The following SLC35B4 variants were observed in gnomAD, a reference collection of about 807,000 sequenced individuals.
SLC35B4 encodes nucleotide sugar transporter SLC35B4.
In SLC35B4, 28 loss-of-function variants were observed where a neutral mutation model predicts 39.5. The observed-to-expected ratio is 0.71, with a 90% CI of 0.53 to 0.97. SLC35B4 has a LOEUF of 0.97. SLC35B4 is among the 50% of genes least tolerant of loss of function. The pLI is 0.00. For synonymous variants in SLC35B4, 145 were observed against 150.4 expected, an observed-to-expected ratio of 0.96 and a Z score of 0.26; for missense variants, 334 against 414.3, an observed-to-expected ratio of 0.81 and a Z score of 1.68.
intron 1 of SLC35B4, among the ~76,000 whole-genome samples, chr7:134,313,863 A>C (rs1038058730): frequency 6.6e-6 from 1 of 152,226 alleles, no homozygotes; most frequent in African/African-American, 2.4e-5. Context: ...AAGAACCTTA[A>C]GGCCATCTGG....
upstream of SLC35B4, chr7:134,317,024 A>G (rs556816570): frequency 4.1e-4 from 183 of 444,674 alleles, 1 homozygote; most frequent in African/African-American, 3.5e-3. Context: ...GTGCACCTTT[A>G]CCTCAGGATG....
chr7:134,314,047 GTGA>G (rs67143741), intron 1 of SLC35B4, among the ~76,000 whole-genome samples: 69,466 of 151,726 alleles, frequency 0.46, 16,124 homozygotes, highest in Admixed American at 0.54. Flanking sequence ...AAAAAGATAA[GTGA>G]TGATTTATTT....
At chr7:134,308,862 C>G (rs1436069901) in intron 2 of SLC35B4, among the ~76,000 whole-genome samples, 1 of 152,204 alleles carries the variant, frequency 6.6e-6, no homozygotes, top group Non-Finnish European at 1.5e-5. Context: ...TTTGACTTTG[C>G]TTGCCATTCA....
intron 8 of SLC35B4, among the ~76,000 whole-genome samples, chr7:134,296,869 C>T (rs565443095): frequency 6.6e-6 from 1 of 152,198 alleles, no homozygotes; most frequent in African/African-American, 2.4e-5. Context: ...TTACAGAATT[C>T]CAAAGTAAAT....
At chr7:134,295,951 T>C (rs1803456224) in intron 9 of SLC35B4, among the ~76,000 whole-genome samples, 1 of 152,200 alleles carries the variant, frequency 6.6e-6, no homozygotes, top group Non-Finnish European at 1.5e-5. Context: ...TGCCTCAGCC[T>C]ATGGAGTAGC....
At position 134,294,937 on chromosome 7, in the gene SLC35B4, G is replaced by A. The variant is rs750676303; in HGVS notation, c.892C>T (p.Leu298=). The A allele has an allele frequency of 2.5e-6, 4 of 1,614,166 alleles. No individual in the cohort carries two copies. Among genetic ancestry groups the A allele is most frequent in the Middle Eastern group, 1.6e-4 (1 of 6,062 alleles). The part of the protein sequence containing the change: ...FQNPFTLWHW[L]GTLFVFIGTL... ...CCAATGAAGACAAACAAGGTGCCCA[G>A]CCAGTGCCACAGGGTGAAGGGGTTC... The change falls in exon 10 of 10, where the codon CTG becomes TTG. Residue 298 remains leucine (L), a synonymous_variant. Transcript: ENST00000378509.
intron 1 of SLC35B4, among the ~76,000 whole-genome samples, chr7:134,313,129 TATTTA>T (rs2117320528): frequency 6.6e-6 from 1 of 152,356 alleles, no homozygotes; most frequent in African/African-American, 2.4e-5. Context: ...CCAATGGAAT[TATTTA>T]TTTTAACTTG....
At position 134,302,013 on chromosome 7, in the gene SLC35B4, T is replaced by C; in HGVS notation, c.426+16A>G. 1.2e-6 allele frequency: 2 copies of C among 1,611,660 alleles called. No individual in the cohort carries two copies. The highest frequency in any genetic ancestry group is 1.7e-6 in the Non-Finnish European group (2 of 1,179,074). On this transcript the variant is annotated intron_variant, in intron 5 of 9. Transcript: ENST00000378509. ...ATAGCAAGTAGTGAACATAAAATAA[T>C]TTGTGAGCTTCTTACCACCTGCTTT...
At chr7:134,313,284 T>G (rs1472868834) in intron 1 of SLC35B4, among the ~76,000 whole-genome samples, 2 of 152,360 alleles carry the variant, frequency 1.3e-5, no homozygotes, top group African/African-American at 4.8e-5. Flanking sequence ...ATTCCAATTT[T>G]TATTTAAAAA....
intron 1 of SLC35B4, among the ~76,000 whole-genome samples, chr7:134,314,595 G>A (rs1585648265): frequency 6.6e-6 from 1 of 152,236 alleles, no homozygotes; most frequent in South Asian, 2.1e-4. Flanking sequence ...GAGTGCAATG[G>A]TGCTATCTCG....
At chr7:134,315,820 A>T (rs1803959526) in intron 1 of SLC35B4, among the ~76,000 whole-genome samples, 1 of 152,328 alleles carries the variant, frequency 6.6e-6, no homozygotes, top group South Asian at 2.1e-4. Context: ...AGGGCTACAC[A>T]GCCAGTGGAC....
chr7:134,293,147 T>TACACACACACACACACACACAC lies in SLC35B4; in HGVS notation c.*1685_*1686insGTGTGTGTGTGTGTGTGTGTGT, dbSNP rs57402927. 83 of 150,628 alleles carry TACACACACACACACACACACAC rather than the reference T, an allele frequency of 5.5e-4. No individual in the cohort carries two copies. The highest frequency in any genetic ancestry group is 1.8e-3 in the African/African-American group (73 of 41,052). The allele number at this position is 150,628 out of a possible 1,614,324, so 9.3% of individuals were successfully genotyped here. A position where few individuals can be genotyped will look rare whatever the true frequency, so the allele number is the denominator to read the frequency against. Reference sequence around the variant, plus strand: ...TGTGCACCACACACACACACATACATACACACACACACACACAGTCTTTGT... The same window carrying TACACACACACACACACACACAC: ...TGTGCACCACACACACACACATACATACACACACACACACACACACACACACACACACACACACAGTCTTTGT... On this transcript the variant is annotated 3_prime_UTR_variant, in exon 10 of 10. Coordinates refer to ENST00000378509, the MANE Select transcript of SLC35B4 (RefSeq NM_032826.5).
At chr7:134,315,936 C>T (rs1803961421) in intron 1 of SLC35B4, among the ~76,000 whole-genome samples, 1 of 151,564 alleles carries the variant, frequency 6.6e-6, no homozygotes, top group East Asian at 1.9e-4. Flanking sequence ...GAACTTTGCA[C>T]ATTCAAAGTG....
At position 134,290,681 on chromosome 7, in the gene SLC35B4, A is replaced by G. The variant is rs543976278; in HGVS notation, c.*4152T>C. On this transcript the variant is annotated 3_prime_UTR_variant, in exon 10 of 10. Transcript: ENST00000378509. ...ACATTTTCAAATGTCACACCAATCAATAATAATAAGGAATGGATTTTATCT... is the reference window on the plus strand; with the variant it reads ...ACATTTTCAAATGTCACACCAATCAGTAATAATAAGGAATGGATTTTATCT... The G allele has an allele frequency of 1.9e-4, 29 of 152,354 alleles. No individual in the cohort carries two copies. The highest frequency in any genetic ancestry group is 5.5e-4 in the African/African-American group (23 of 41,584). 9.4% of individuals were successfully genotyped at this position (152,354 alleles called of 1,614,324 possible). A position where few individuals can be genotyped will look rare whatever the true frequency, so the allele number is the denominator to read the frequency against.
rs539551525 is a variant in SLC35B4, at chr7:134,294,767, C to T, written c.*66G>A. The T allele has an allele frequency of 4.9e-5, 78 of 1,579,486 alleles. No homozygotes were observed. The highest frequency in any genetic ancestry group is 4.3e-4 in the East Asian group (19 of 44,326). ...TAGCTCGGCATTAACAAAAGCGAAA[C>T]GGTGGTCAGACCTTCACAGGGTCCC... On this transcript the variant is annotated 3_prime_UTR_variant, in exon 10 of 10. Coordinates refer to ENST00000378509, the MANE Select transcript of SLC35B4 (RefSeq NM_032826.5).
rs377600025 is a variant in SLC35B4, at chr7:134,294,911, C to T, written c.918G>A (p.Gly306=). The T allele has an allele frequency of 1.2e-5, 20 of 1,613,986 alleles. No individual in the cohort carries two copies. Among genetic ancestry groups the T allele is most frequent in the Non-Finnish European group, 1.7e-5 (20 of 1,180,038 alleles). ...HWLGTLFVFI[G]TLMYTEVWNN... is the part of the protein sequence containing the mutation. Reference sequence around the variant, plus strand: ...TCCACACCTCTGTGTACATTAAGGTCCCAATGAAGACAAACAAGGTGCCCA... The same window carrying T: ...TCCACACCTCTGTGTACATTAAGGTTCCAATGAAGACAAACAAGGTGCCCA... The change falls in exon 10 of 10, where the codon GGG becomes GGA. Residue 306 remains glycine (G), a synonymous_variant. Coordinates refer to ENST00000378509, the MANE Select transcript of SLC35B4 (RefSeq NM_032826.5).
At chr7:134,303,350 C>T (rs2117296568) in intron 4 of SLC35B4, among the ~76,000 whole-genome samples, 1 of 152,218 alleles carries the variant, frequency 6.6e-6, no homozygotes, top group East Asian at 1.9e-4. Flanking sequence ...CTTTTGTATC[C>T]TTGTCATGAG....
chr7:134,293,593 C>A lies in SLC35B4; in HGVS notation c.*1240G>T, dbSNP rs112420739. 1 of 152,118 alleles carries A rather than the reference C, an allele frequency of 6.6e-6. No homozygotes were observed. Among genetic ancestry groups the A allele is most frequent in the African/African-American group, 2.4e-5 (1 of 41,424 alleles). The allele number at this position is 152,118 out of a possible 1,614,324, so 9.4% of individuals were successfully genotyped here. A position where few individuals can be genotyped will look rare whatever the true frequency, so the allele number is the denominator to read the frequency against. Reference sequence around the variant, plus strand: ...TCCCTTGATGGGTCGTGACTCTTAACAGAGTCATCGGGCAGAGGGGAATCT... The same window carrying A: ...TCCCTTGATGGGTCGTGACTCTTAAAAGAGTCATCGGGCAGAGGGGAATCT... On this transcript the variant is annotated 3_prime_UTR_variant, in exon 10 of 10. Coordinates refer to ENST00000378509, the MANE Select transcript of SLC35B4 (RefSeq NM_032826.5).
At chr7:134,300,507 T>G (rs1041040299) in intron 6 of SLC35B4, among the ~76,000 whole-genome samples, 1 of 152,200 alleles carries the variant, frequency 6.6e-6, no homozygotes, top group Non-Finnish European at 1.5e-5. Context: ...ATATGGAATT[T>G]TATATCTTGC....
Sources: gnomAD v4.1 joint callset for allele counts (sites outside exome capture counted in the v4.1 genomes callset) on GRCh38, gnomAD v4.1.1 for gene constraint, MANE v1.5 for transcripts, NCBI Gene and HGNC (gene_info 2026-07-23, HGNC 2026-07-21) for gene names.